Variants in FAM81A observed in about 807,000 individuals in gnomAD.
FAM81A encodes family with sequence similarity 81 member A, also known as protein FAM81A.
A neutral mutation model predicts 46.7 loss-of-function variants in FAM81A; 19 were observed. The observed-to-expected ratio is 0.41, with a 90% CI of 0.28 to 0.60. FAM81A has a LOEUF of 0.60. FAM81A is among the 20% of genes least tolerant of loss of function. The pLI, the probability that FAM81A is intolerant of heterozygous loss-of-function variation, is 0.34. For missense variants in FAM81A, 377 were observed against 453.5 expected, an observed-to-expected ratio of 0.83 and a Z score of 1.53; for synonymous variants, 183 against 152.9, an observed-to-expected ratio of 1.20 and a Z score of -1.45.
At chr15:59,468,763 A>C (rs1322179115) in intron 3 of FAM81A, among the ~76,000 whole-genome samples, 1 of 151,832 alleles carries the variant, frequency 6.6e-6, no homozygotes, top group Non-Finnish European at 1.5e-5. Flanking sequence ...TAGCTTTTGA[A>C]TGTGTTTGCT....
upstream of FAM81A, among the ~76,000 whole-genome samples, chr15:59,433,263 C>T (rs141162853): frequency 9.9e-5 from 15 of 151,458 alleles, 1 homozygote; most frequent in African/African-American, 3.6e-4. Flanking sequence ...TTTAGGATTT[C>T]TGGCCACAAA....
At chr15:59,490,809 C>G (rs911614073) in intron 3 of FAM81A, among the ~76,000 whole-genome samples, 2 of 152,182 alleles carry the variant, frequency 1.3e-5, no homozygotes, top group South Asian at 4.1e-4. Flanking sequence ...ACACTCCAGC[C>G]TGGGTGACAG....
chr15:59,518,440 C>T (rs1367880079), intron 8 of FAM81A, among the ~76,000 whole-genome samples: 5 of 151,918 alleles, frequency 3.3e-5, no homozygotes, highest in African/African-American at 1.2e-4. Context: ...GCCTCGACCT[C>T]CTGAGCAGCT....
intron 2 of FAM81A, among the ~76,000 whole-genome samples, chr15:59,405,590 G>A (rs1037217028): frequency 1.1e-4 from 17 of 151,938 alleles, no homozygotes; most frequent in African/African-American, 3.6e-4. Flanking sequence ...GCAGTGAGCC[G>A]AGATCACGCC....
intron 4 of FAM81A, among the ~76,000 whole-genome samples, chr15:59,505,726 A>G (rs185914322): frequency 1.5e-4 from 23 of 152,336 alleles, no homozygotes; most frequent in Non-Finnish European, 2.5e-4. Context: ...CACTGTCAGA[A>G]TCTAACTCCG....
chr15:59,483,161 C>T (rs2081875291), intron 3 of FAM81A, among the ~76,000 whole-genome samples: 1 of 152,098 alleles, frequency 6.6e-6, no homozygotes, highest in Admixed American at 6.6e-5. Context: ...CCTCAGCCTC[C>T]TGAGTAGCTG....
intron 2 of FAM81A, among the ~76,000 whole-genome samples, chr15:59,423,817 A>T (rs939337695): frequency 1.7e-4 from 26 of 152,240 alleles, no homozygotes; most frequent in Admixed American, 5.2e-4. Flanking sequence ...ATGATTTATA[A>T]CTATTACTGC....
At chr15:59,519,733 C>T (rs1452707774) in intron 8 of FAM81A, among the ~76,000 whole-genome samples, 1 of 151,880 alleles carries the variant, frequency 6.6e-6, no homozygotes, top group African/African-American at 2.4e-5. Flanking sequence ...TGACAAATGG[C>T]AGGCTCTCCT....
chr15:59,479,803 G>C (rs1233950276), intron 3 of FAM81A, among the ~76,000 whole-genome samples: 1 of 152,156 alleles, frequency 6.6e-6, no homozygotes, highest in Admixed American at 6.5e-5. Context: ...TTGGAGTCTG[G>C]AAATGGGAAG....
chr15:59,507,785 C>A (rs1481814321), intron 5 of FAM81A, among the ~76,000 whole-genome samples: 1 of 152,208 alleles, frequency 6.6e-6, no homozygotes, highest in Non-Finnish European at 1.5e-5. Context: ...AAAGCTAGAG[C>A]ATAGGCAGGC....
chr15:59,460,107 G>A lies in FAM81A; in HGVS notation c.195G>A (p.Met65Ile). The change falls in exon 3 of 9, where the codon ATG becomes ATA. Residue 65 changes from methionine to isoleucine, a missense_variant. Physicochemically the swap from Met to Ile is conservative, Grantham distance 10. Coordinates refer to ENST00000288228, the MANE Select transcript of FAM81A (RefSeq NM_152450.3). The surrounding 1 kb of genome is among the most constrained non-coding windows in gnomAD (Gnocchi z 4.4). ...KDDIVNSLQK[M>I]QNKGGGDRLA... ...ACATTGTCAACAGTTTGCAGAAAAT[G>A]CAAAACAAAGGGGGAGGTGACCGCT... is the stretch of plus-strand genomic sequence containing the variant. 1.2e-6 allele frequency: 2 copies of A among 1,613,996 alleles called. No homozygotes were observed. Among genetic ancestry groups the A allele is most frequent in the Non-Finnish European group, 1.7e-6 (2 of 1,179,878 alleles).
At chr15:59,490,077 A>G (rs1360433213) in intron 3 of FAM81A, among the ~76,000 whole-genome samples, 1 of 152,148 alleles carries the variant, frequency 6.6e-6, no homozygotes, top group Non-Finnish European at 1.5e-5. Context: ...TTACCTATGT[A>G]AAAAACCTTC....
upstream of FAM81A, among the ~76,000 whole-genome samples, chr15:59,434,374 C>T (rs1261271911): frequency 6.6e-6 from 1 of 152,068 alleles, no homozygotes; most frequent in African/African-American, 2.4e-5. Context: ...CTTTACACTG[C>T]CGAACTTCTC....
At chr15:59,400,896 G>A (rs2081067469) in intron 1 of FAM81A, among the ~76,000 whole-genome samples, 1 of 152,096 alleles carries the variant, frequency 6.6e-6, no homozygotes, top group Non-Finnish European at 1.5e-5. Flanking sequence ...TTCTATTGAT[G>A]CATTTTTAGT....
chr15:59,503,924 A>G (rs1336826718), intron 4 of FAM81A, among the ~76,000 whole-genome samples: 1 of 152,192 alleles, frequency 6.6e-6, no homozygotes, highest in African/African-American at 2.4e-5. Flanking sequence ...TGTGTTTCCA[A>G]GTGAGACACA....
chr15:59,438,094 G>GC (rs1188215320), upstream of FAM81A: 3 of 146,426 alleles, frequency 2.0e-5, no homozygotes, highest in Non-Finnish European at 3.0e-5. Flanking sequence ...GGCGGCTCGC[G>GC]CCCCCCGGGA....
intron 4 of FAM81A, among the ~76,000 whole-genome samples, chr15:59,505,205 A>C (rs796216712): frequency 3.3e-5 from 5 of 152,194 alleles, no homozygotes; most frequent in African/African-American, 1.2e-4. Flanking sequence ...ATCTTCAACT[A>C]TGTCTAGTCT....
intron 2 of FAM81A, among the ~76,000 whole-genome samples, chr15:59,409,667 C>G (rs1356704859): frequency 2.0e-5 from 3 of 152,168 alleles, no homozygotes; most frequent in African/African-American, 7.2e-5. Flanking sequence ...GGTGCAAAGG[C>G]TTGGGCAGAA....
chr15:59,404,595 G>A (rs1287099206), intron 2 of FAM81A, among the ~76,000 whole-genome samples: 1 of 152,092 alleles, frequency 6.6e-6, no homozygotes, highest in African/African-American at 2.4e-5. Context: ...TGATTGAGAC[G>A]ACACATATGC....
Sources: gnomAD v4.1 joint callset for allele counts (sites outside exome capture counted in the v4.1 genomes callset) on GRCh38, gnomAD v4.1.1 for gene constraint, Gnocchi (gnomAD v3.1) non-coding constraint, MANE v1.5 for transcripts, NCBI Gene and HGNC (gene_info 2026-07-23, HGNC 2026-07-21) for gene names.